The following TBC1D9 variants were observed in gnomAD, a reference collection of about 807,000 sequenced individuals.
TBC1D9 encodes TBC1 domain family member 9, also known as TBC1 domain family member 9A.
Under a neutral mutation model 132.0 loss-of-function variants are expected in TBC1D9, and 63 were observed. The ratio of observed to expected loss-of-function variants is 0.48; its 90% confidence interval spans 0.39 to 0.59. TBC1D9 has a LOEUF of 0.59. Among genes scored for constraint, TBC1D9 ranks in the 20% least tolerant of loss-of-function variants. The pLI, the probability that TBC1D9 is intolerant of heterozygous loss-of-function variation, is 0.00. For missense variants in TBC1D9, 1,261 were observed against 1,592.7 expected (o/e 0.79, Z 3.54); for synonymous variants, 610 against 609.9 (o/e 1.00, Z 0.00).
In TBC1D9 at chr4:140,706,365, T is replaced by C. The variant is rs540723101; in HGVS notation, c.131-4751A>G. Reference sequence around the variant, plus strand: ...CAGCTTTGGCTCACATACCAGCCAGTCCCTTAATCTCTCTGTGCCCCTGCT... The same window carrying C: ...CAGCTTTGGCTCACATACCAGCCAGCCCCTTAATCTCTCTGTGCCCCTGCT... On this transcript the variant is annotated intron_variant, in intron 1 of 20. Coordinates refer to ENST00000442267, the MANE Select transcript of TBC1D9 (RefSeq NM_015130.3). The surrounding 1 kb of genome is among the most constrained non-coding windows in gnomAD (Gnocchi z 4.0). Among the ~76,000 whole-genome samples the C allele has an allele frequency of 6.6e-6, 1 of 152,118 alleles. No homozygotes were observed. Among genetic ancestry groups the C allele is most frequent in the Non-Finnish European group, 1.5e-5 (1 of 68,024 alleles).
chr4:140,687,208 TG>T (rs982305432), intron 2 of TBC1D9, among the ~76,000 whole-genome samples: 3 of 150,778 alleles, frequency 2.0e-5, no homozygotes, highest in African/African-American at 7.3e-5. Flanking sequence ...GCCATCAGGG[TG>T]GGGGTATAAA....
Position 140,634,105 on chromosome 4 carries a change from C to T in TBC1D9, c.2589G>A (p.Gln863=), listed in dbSNP as rs778853012. 4 of 1,613,900 alleles carry T rather than the reference C, an allele frequency of 2.5e-6. No homozygotes were observed. The Admixed American group carries it at 5.0e-5, about 20-fold the overall frequency. The change falls in exon 16 of 21, where the codon CAG becomes CAA. Residue 863 remains glutamine, a synonymous_variant. Transcript: ENST00000442267. ...TGAACTGCTCGAAGTCAATGCGATA[C>T]TGTTCCAGGTAGGGCAGGCTGGGGT... is the stretch of plus-strand genomic sequence containing the variant. ...RHDPSLPYLE[Q]YRIDFEQFKG...
chr4:140,728,662 C>T (rs562385045), intron 1 of TBC1D9, among the ~76,000 whole-genome samples: 4 of 151,128 alleles, frequency 2.6e-5, no homozygotes, highest in Admixed American at 6.6e-5. Flanking sequence ...CCACCACGCT[C>T]GGCTTTTTTT....
chr4:140,748,525 A>T (rs961706043), intron 1 of TBC1D9, among the ~76,000 whole-genome samples: 1 of 152,228 alleles, frequency 6.6e-6, no homozygotes, highest in Non-Finnish European at 1.5e-5. Context: ...AACATCACAA[A>T]TTATCTAGAT....
intron 13 of TBC1D9, among the ~76,000 whole-genome samples, chr4:140,640,531 A>C (rs1412513803): frequency 6.6e-6 from 1 of 152,006 alleles, no homozygotes; most frequent in Non-Finnish European, 1.5e-5. Context: ...TGTCAGGGTG[A>C]GGGAGGCCCC....
At chr4:140,746,060 A>G (rs1272659474) in intron 1 of TBC1D9, among the ~76,000 whole-genome samples, 2 of 152,194 alleles carry the variant, frequency 1.3e-5, no homozygotes, top group Non-Finnish European at 2.9e-5. Flanking sequence ...GAACAATTTG[A>G]TATGGACTTA....
At chr4:140,709,217 T>TTC (rs1460512680) in intron 1 of TBC1D9, among the ~76,000 whole-genome samples, 1 of 72,838 alleles carries the variant, frequency 1.4e-5, no homozygotes, top group African/African-American at 4.7e-5. Flanking sequence ...GGAACCAGCC[T>TTC]TATCTCTCTC....
intron 4 of TBC1D9, 97 bp downstream of exon 4, chr4:140,679,518 T>C: frequency 2.3e-6 from 2 of 879,602 alleles, no homozygotes; most frequent in Non-Finnish European, 3.5e-6. Flanking sequence ...TAGTTATAAC[T>C]ATAGATTTAT....
intron 9 of TBC1D9, among the ~76,000 whole-genome samples, chr4:140,665,681 A>G (rs1737431702): frequency 6.6e-6 from 1 of 152,106 alleles, no homozygotes; most frequent in South Asian, 2.1e-4. Context: ...TTTTAAATCT[A>G]TATTTTATTT....
At chr4:140,716,232 A>G (rs1413719748) in intron 1 of TBC1D9, among the ~76,000 whole-genome samples, 4 of 152,232 alleles carry the variant, frequency 2.6e-5, no homozygotes, top group Non-Finnish European at 5.9e-5. Context: ...CATGCCCATA[A>G]TCCCAACATT....
At chr4:140,723,120 C>T (rs1266741111) in intron 1 of TBC1D9, among the ~76,000 whole-genome samples, 3 of 152,190 alleles carry the variant, frequency 2.0e-5, no homozygotes, top group African/African-American at 7.2e-5. Flanking sequence ...TCTTGAATTA[C>T]AAACTCTAAT....
chr4:140,726,507 C>T (rs1277837951), intron 1 of TBC1D9, among the ~76,000 whole-genome samples: 1 of 151,952 alleles, frequency 6.6e-6, no homozygotes, highest in Non-Finnish European at 1.5e-5. Flanking sequence ...AACACCCCTA[C>T]CCCCAATACT....
At chr4:140,690,193 C>T (rs1157464330) in intron 2 of TBC1D9, among the ~76,000 whole-genome samples, 2 of 152,104 alleles carry the variant, frequency 1.3e-5, no homozygotes, top group African/African-American at 4.8e-5. Flanking sequence ...ATTATATAGT[C>T]CACAGGCTAA....
At chr4:140,642,800 T>C (rs998476873) in intron 13 of TBC1D9, 3 of 624,996 alleles carry the variant, frequency 4.8e-6, no homozygotes, top group Non-Finnish European at 8.5e-6. Context: ...TCCGCTACTG[T>C]TGCAGTTCTT....
rs567871372 is a variant in TBC1D9 at position 140,644,026 on chromosome 4, G to A, written c.2338-4598C>T. 7 of 482,802 alleles carry A rather than the reference G, an allele frequency of 1.4e-5. No individual in the cohort carries two copies. In the Admixed American group the frequency reaches 2.0e-4, roughly 13 times the overall value. 29.9% of individuals were successfully genotyped at this position (482,802 alleles called of 1,614,324 possible). On this transcript the variant is annotated intron_variant, in intron 13 of 20. Transcript: ENST00000442267. The stretch of plus-strand genomic sequence containing the variant: ...GGCTCTGGGATCTTGGAGGGGGACA[G>A]GAGGATGAGCTTGTCTTCGGGCGAG...
At chr4:140,645,396 C>T (rs575588650) in intron 13 of TBC1D9, 1 of 459,642 alleles carries the variant, frequency 2.2e-6, no homozygotes, top group East Asian at 6.8e-5. Flanking sequence ...ACCCTGGACA[C>T]CAGAGCCCGC....
chr4:140,629,588 T>G (rs1010570064), intron 16 of TBC1D9, among the ~76,000 whole-genome samples: 1 of 152,236 alleles, frequency 6.6e-6, no homozygotes, highest in African/African-American at 2.4e-5. Flanking sequence ...TTTTCAATTT[T>G]CTCATATGAT....
At chr4:140,635,319 A>T (rs879911853) in intron 15 of TBC1D9, among the ~76,000 whole-genome samples, 5 of 152,052 alleles carry the variant, frequency 3.3e-5, no homozygotes, top group Non-Finnish European at 5.9e-5. Context: ...CTCTATGAAA[A>T]AAAAGTTTAA....
At position 140,701,462 on chromosome 4, in the gene TBC1D9, G is replaced by A. The variant is rs772243193; in HGVS notation, c.241+42C>T. 8 of 1,498,572 alleles carry A rather than the reference G, an allele frequency of 5.3e-6. No individual in the cohort carries two copies. The East Asian group carries it at 6.8e-5, about 13-fold the overall frequency. The allele number at this position is 1,498,572 out of a possible 1,614,324, so 92.8% of individuals were successfully genotyped here. A position where few individuals can be genotyped will look rare whatever the true frequency, so the allele number is the denominator to read the frequency against. On this transcript the variant is annotated intron_variant, in intron 2 of 20. Transcript: ENST00000442267. ...CTGATAAAAAGTTGTTAACCCTAAC[G>A]CTTCTTTTAAAACTTGTGTATTTCT...
Sources: gnomAD v4.1 joint callset for allele counts (sites outside exome capture counted in the v4.1 genomes callset) on GRCh38, gnomAD v4.1.1 for gene constraint, Gnocchi (gnomAD v3.1) non-coding constraint, MANE v1.5 for transcripts, NCBI Gene and HGNC (gene_info 2026-07-23, HGNC 2026-07-21) for gene names.